IRAK2: variants seen among roughly 807,000 people sequenced by gnomAD.
The protein encoded by IRAK2 is interleukin 1 receptor associated kinase 2, also known as interleukin-1 receptor-associated kinase-like 2.
Under a neutral mutation model 72.0 loss-of-function variants are expected in IRAK2, and 57 were observed. That is an observed-to-expected ratio of 0.79 (90% CI 0.64 to 0.99). IRAK2 has a LOEUF of 0.99. Ranked by LOEUF, IRAK2 falls within the 50% of genes least tolerant of loss-of-function variation. IRAK2 has a pLI of 0.00. For synonymous variants in IRAK2, 293 were observed against 312.7 expected, an observed-to-expected ratio of 0.94 and a Z score of 0.67; for missense variants, 790 against 794.4, an observed-to-expected ratio of 0.99 and a Z score of 0.07.
chr3:10,168,090 T>A (rs997061910), intron 1 of IRAK2, among the ~76,000 whole-genome samples: 1 of 151,680 alleles, frequency 6.6e-6, no homozygotes, highest in African/African-American at 2.4e-5. Context: ...AGCCACTGCA[T>A]CTGGCTTTAT....
chr3:10,189,378 G>A lies in IRAK2; in HGVS notation c.278-10991G>A, dbSNP rs1697137729. The stretch of plus-strand genomic sequence containing the variant: ...AGTGCCATGCAGGCTACCGCCAAGA[G>A]TTTGCTTTCACCGGAGAGTGAAGGG... On this transcript the variant is annotated intron_variant, in intron 2 of 12. Transcript: ENST00000256458. 1.3e-5 allele frequency among the ~76,000 whole-genome samples: 2 copies of A among 152,232 alleles called. 1 individual carries two copies. Among genetic ancestry groups the A allele is most frequent in the South Asian group, 4.1e-4 (2 of 4,838 alleles).
chr3:10,179,275 G>GTTTTT (rs58462207), intron 2 of IRAK2, among the ~76,000 whole-genome samples: 1 of 136,654 alleles, frequency 7.3e-6, no homozygotes, highest in Non-Finnish European at 1.6e-5. Context: ...TTTTTCAGTT[G>GTTTTT]TTTTTTTTTT....
In IRAK2 at chr3:10,200,538, A is replaced by G. The variant is rs528945909; in HGVS notation, c.424+23A>G. ...CAGGTATTTTAAATTTAACTTTTTT[A>G]CTTAAAGCACTTTTATTTAAGGAAA... is the stretch of plus-strand genomic sequence containing the variant. On this transcript the variant is annotated intron_variant, in intron 3 of 12. Coordinates refer to ENST00000256458, the MANE Select transcript of IRAK2 (RefSeq NM_001570.4). 4 of 1,534,646 alleles carry G rather than the reference A, an allele frequency of 2.6e-6. No individual in the cohort carries two copies. In the East Asian group the frequency reaches 6.9e-5, roughly 26 times the overall value.
intron 1 of IRAK2, among the ~76,000 whole-genome samples, chr3:10,166,811 T>C (rs541877359): frequency 6.6e-6 from 1 of 152,186 alleles, no homozygotes; most frequent in Non-Finnish European, 1.5e-5. Flanking sequence ...CGCCCACTAA[T>C]TTTTATGTTT....
intron 2 of IRAK2, among the ~76,000 whole-genome samples, chr3:10,193,414 C>T (rs940382819): frequency 9.9e-5 from 15 of 151,520 alleles, no homozygotes; most frequent in Non-Finnish European, 2.1e-4. Flanking sequence ...GATCAGCTTG[C>T]GCAATATGGC....
At chr3:10,233,578 T>G (rs755275120) in intron 10 of IRAK2, among the ~76,000 whole-genome samples, 5 of 152,152 alleles carry the variant, frequency 3.3e-5, no homozygotes, top group Non-Finnish European at 7.4e-5. Flanking sequence ...GTATAAGAAG[T>G]ATAGACATAA....
chr3:10,232,517 G>T (rs146984201), intron 10 of IRAK2, among the ~76,000 whole-genome samples: 1 of 152,124 alleles, frequency 6.6e-6, no homozygotes, highest in African/African-American at 2.4e-5. Context: ...TGGAGCTGCC[G>T]ACTCCTCCAT....
chr3:10,172,526 A>C (rs1450243029), intron 1 of IRAK2, among the ~76,000 whole-genome samples: 1 of 122,382 alleles, frequency 8.2e-6, no homozygotes, highest in Non-Finnish European at 1.8e-5. Flanking sequence ...AACAAGAGTA[A>C]AACTCCGACT....
chr3:10,167,636 T>C (rs914372430), intron 1 of IRAK2, among the ~76,000 whole-genome samples: 4 of 152,068 alleles, frequency 2.6e-5, no homozygotes, highest in East Asian at 1.9e-4. Context: ...AGGATGGTCT[T>C]GATCTCCTGA....
rs556614291 is a variant in IRAK2 at position 10,243,612 on chromosome 3, A to G, written c.*1384A>G. Reference sequence around the variant, plus strand: ...TGTACCTAATGATTATTCAGTGCGTATATATCTGAAAAGTCATGTTGCAAA... The same window carrying G: ...TGTACCTAATGATTATTCAGTGCGTGTATATCTGAAAAGTCATGTTGCAAA... On this transcript the variant is annotated 3_prime_UTR_variant, in exon 13 of 13. Transcript: ENST00000256458. 6.5e-6 allele frequency: 1 copy of G among 152,826 alleles called. No individual in the cohort carries two copies. The highest frequency in any genetic ancestry group is 2.1e-4 in the South Asian group (1 of 4,830). The allele number at this position is 152,826 out of a possible 1,614,324, so 9.5% of individuals were successfully genotyped here. A position where few individuals can be genotyped will look rare whatever the true frequency, so the allele number is the denominator to read the frequency against.
At chr3:10,226,484 T>A in intron 10 of IRAK2, 51 bp downstream of exon 10, 1 of 1,473,708 alleles carries the variant, frequency 6.8e-7, no homozygotes, top group Non-Finnish European at 9.4e-7. Flanking sequence ...GCCTCACAGC[T>A]CTGTAGAGAG....
intron 4 of IRAK2, among the ~76,000 whole-genome samples, chr3:10,211,485 G>A (rs1299529886): frequency 6.8e-6 from 1 of 146,690 alleles, no homozygotes; most frequent in Non-Finnish European, 1.5e-5. Context: ...AGGCGTGGTG[G>A]CACACACCTG....
At chr3:10,172,288 A>G (rs1696805783) in intron 1 of IRAK2, among the ~76,000 whole-genome samples, 1 of 151,860 alleles carries the variant, frequency 6.6e-6, no homozygotes, top group African/African-American at 2.4e-5. Flanking sequence ...AATGGTGTGA[A>G]CCTGGGAGGT....
intron 8 of IRAK2, among the ~76,000 whole-genome samples, chr3:10,220,770 A>G (rs570751594): frequency 3.9e-5 from 6 of 152,154 alleles, no homozygotes; most frequent in Admixed American, 3.3e-4. Context: ...GATTGCATCA[A>G]TAATTCTAAT....
In IRAK2 at chr3:10,192,023, A is replaced by AGTGTGTGTGTGTGT. The variant is rs56802078; in HGVS notation, c.278-8321_278-8308dup. ...CATTTCAGGTCTAGCTTGAGTTGGG[A>AGTGTGTGTGTGTGT]GTGTGTGTGTGTGTGTGTGTGTGTG... On this transcript the variant is annotated intron_variant, in intron 2 of 12. Transcript: ENST00000256458. Among the ~76,000 whole-genome samples, 115 of 135,788 alleles carry AGTGTGTGTGTGTGT rather than the reference A, an allele frequency of 8.5e-4. 1 individual carries two copies. The highest frequency in any genetic ancestry group is 2.8e-3 in the African/African-American group (102 of 36,782). 89.1% of individuals were successfully genotyped at this position (135,788 alleles called of 152,430 possible).
chr3:10,196,698 C>T (rs553631019), intron 2 of IRAK2, among the ~76,000 whole-genome samples: 1 of 152,338 alleles, frequency 6.6e-6, no homozygotes, highest in South Asian at 2.1e-4. Context: ...CTTCCTGCCT[C>T]AGTGCTGCCT....
At chr3:10,208,566 A>G (rs1036046256) in intron 3 of IRAK2, among the ~76,000 whole-genome samples, 11 of 151,972 alleles carry the variant, frequency 7.2e-5, no homozygotes, top group Non-Finnish European at 1.5e-4. Flanking sequence ...GATCGAGACC[A>G]TCCTGGCTAA....
chr3:10,233,278 C>T (rs767892186), intron 10 of IRAK2, among the ~76,000 whole-genome samples: 1 of 152,110 alleles, frequency 6.6e-6, no homozygotes, highest in African/African-American at 2.4e-5. Context: ...TCTCGAACTC[C>T]TGACCTCGAG....
intron 6 of IRAK2, among the ~76,000 whole-genome samples, chr3:10,216,269 G>C (rs759758727): frequency 6.6e-6 from 1 of 152,170 alleles, no homozygotes; most frequent in Non-Finnish European, 1.5e-5. Context: ...TAATAAATAT[G>C]GGTGAAGAAG....
Sources: allele counts gnomAD v4.1 joint callset (sites outside exome capture counted in the v4.1 genomes callset), GRCh38; gene constraint gnomAD v4.1.1; transcripts MANE v1.5; gene names NCBI Gene and HGNC (gene_info 2026-07-23, HGNC 2026-07-21).